Variants in LRFN5 observed in about 807,000 individuals in gnomAD.
LRFN5 encodes the protein leucine-rich repeat and fibronectin type-III domain-containing protein 5.
A neutral mutation model predicts 45.6 loss-of-function variants in LRFN5; 24 were observed. That is an observed-to-expected ratio of 0.53 (90% confidence interval 0.38 to 0.74). The LOEUF is 0.74. Ranked by LOEUF, LRFN5 falls within the 30% of genes least tolerant of loss-of-function variation. The pLI, the probability that LRFN5 is intolerant of heterozygous loss-of-function variation, is 0.00. For missense variants in LRFN5, 776 were observed against 861.5 expected (o/e 0.90, Z 1.24); for synonymous variants, 340 against 313.8 (o/e 1.08, Z -0.88).
At chr14:41,895,707 T>C (rs960172868) in intron 4 of LRFN5, among the ~76,000 whole-genome samples, 194 of 143,206 alleles carry the variant, frequency 1.4e-3, no homozygotes, top group Middle Eastern at 3.7e-3. Flanking sequence ...TTATTTCCCC[T>C]TTTTTTTTTT....
chr14:41,716,815 T>C (rs973070770), intron 1 of LRFN5, among the ~76,000 whole-genome samples: 6 of 152,234 alleles, frequency 3.9e-5, no homozygotes, highest in Non-Finnish European at 8.8e-5. Flanking sequence ...CTGGTGCTAA[T>C]ACACTGTTAA....
intron 2 of LRFN5, among the ~76,000 whole-genome samples, chr14:41,859,134 C>T (rs769665815): frequency 2.0e-5 from 3 of 152,134 alleles, no homozygotes; most frequent in Non-Finnish European, 2.9e-5. Context: ...TTCAAGCTAC[C>T]TTTGTCAGGT....
At chr14:41,822,936 G>A (rs2139017054) in intron 2 of LRFN5, among the ~76,000 whole-genome samples, 1 of 146,404 alleles carries the variant, frequency 6.8e-6, no homozygotes, top group Admixed American at 6.9e-5. Flanking sequence ...TTGATTTAAA[G>A]TCTGTTTTGT....
chr14:41,799,493 T>C (rs913398920), intron 2 of LRFN5, among the ~76,000 whole-genome samples: 1 of 152,008 alleles, frequency 6.6e-6, no homozygotes, highest in Non-Finnish European at 1.5e-5. Context: ...ACAACTTCTT[T>C]TTCTGGTGTT....
At chr14:41,809,084 T>C (rs2138987430) in intron 2 of LRFN5, among the ~76,000 whole-genome samples, 1 of 152,226 alleles carries the variant, frequency 6.6e-6, no homozygotes, top group African/African-American at 2.4e-5. Context: ...TCCTTTGTAG[T>C]ACAAAGTGCC....
intron 1 of LRFN5, among the ~76,000 whole-genome samples, chr14:41,624,342 A>T (rs1387530318): frequency 6.6e-6 from 1 of 152,164 alleles, no homozygotes; most frequent in Non-Finnish European, 1.5e-5. Context: ...ATTAAAATCA[A>T]CAATAGATTG....
intron 2 of LRFN5, among the ~76,000 whole-genome samples, chr14:41,859,087 G>A (rs1212352112): frequency 7.9e-5 from 12 of 152,092 alleles, no homozygotes; most frequent in Non-Finnish European, 1.5e-5. Context: ...TAGCATTTAT[G>A]AATTTCTATG....
chr14:41,812,566 A>C (rs1887772347), intron 2 of LRFN5, among the ~76,000 whole-genome samples: 1 of 151,850 alleles, frequency 6.6e-6, no homozygotes, highest in Non-Finnish European at 1.5e-5. Context: ...TTGCAGTTTT[A>C]TTTTTGTAAC....
intron 1 of LRFN5, among the ~76,000 whole-genome samples, chr14:41,653,211 T>C (rs1880214249): frequency 6.6e-6 from 1 of 152,196 alleles, no homozygotes; most frequent in Non-Finnish European, 1.5e-5. Flanking sequence ...CAATTGCTTT[T>C]GGCATCTTCA....
At chr14:41,752,354 T>C (rs913264801) in intron 1 of LRFN5, among the ~76,000 whole-genome samples, 1 of 152,220 alleles carries the variant, frequency 6.6e-6, no homozygotes, top group Non-Finnish European at 1.5e-5. Context: ...ACTTCCACAA[T>C]GGTTGAACTA....
chr14:41,784,719 C>T (rs902513210), intron 2 of LRFN5, among the ~76,000 whole-genome samples: 1 of 152,032 alleles, frequency 6.6e-6, no homozygotes, highest in African/African-American at 2.4e-5. Context: ...AGCTTCGCCT[C>T]CTGGGTTCAA....
chr14:41,781,600 GAAA>G (rs1453177751), intron 2 of LRFN5, among the ~76,000 whole-genome samples: 18 of 82,794 alleles, frequency 2.2e-4, no homozygotes, highest in East Asian at 7.8e-4. Flanking sequence ...AAGAAAGAAA[GAAA>G]GAAAGAAAGA....
At chr14:41,819,095 A>G (rs975971013) in intron 2 of LRFN5, among the ~76,000 whole-genome samples, 1 of 152,178 alleles carries the variant, frequency 6.6e-6, no homozygotes, top group African/African-American at 2.4e-5. Flanking sequence ...TCCATATAGT[A>G]TTCCATAGTA....
At chr14:41,715,830 G>C (rs1173379608) in intron 1 of LRFN5, among the ~76,000 whole-genome samples, 1 of 152,224 alleles carries the variant, frequency 6.6e-6, no homozygotes, top group Non-Finnish European at 1.5e-5. Flanking sequence ...TGGTACTCCA[G>C]TAGGGACTCT....
chr14:41,882,226 C>G lies in LRFN5; in HGVS notation c.-20-4380C>G, dbSNP rs570756416. On this transcript the variant is annotated intron_variant, in intron 2 of 5. Transcript: ENST00000298119. ...GAATTTATTGATCTCAAATCTCACC[C>G]CTAGCATTTTTTTTTCTTTTGGCTG... is the stretch of plus-strand genomic sequence containing the variant. Among the ~76,000 whole-genome samples, 236 of 148,526 alleles carry G rather than the reference C, an allele frequency of 1.6e-3. 1 individual carries two copies. The highest frequency in any genetic ancestry group is 4.9e-3 in the African/African-American group (197 of 39,998).
intron 1 of LRFN5, among the ~76,000 whole-genome samples, chr14:41,615,231 T>A (rs1887891643): frequency 6.6e-6 from 1 of 152,116 alleles, no homozygotes; most frequent in Admixed American, 6.6e-5. Context: ...CCAACTAAAA[T>A]ATATTATTTC....
intron 2 of LRFN5, among the ~76,000 whole-genome samples, chr14:41,778,659 C>T (rs926984722): frequency 6.6e-6 from 1 of 151,808 alleles, no homozygotes; most frequent in Non-Finnish European, 1.5e-5. Context: ...GGAGCTACCA[C>T]TCAGTTCAAG....
chr14:41,632,552 G>C lies in LRFN5; in HGVS notation c.-197+23990G>C, dbSNP rs143158057. Reference sequence around the variant, plus strand: ...CAGGAGGTGGAGGTTGCCGTGAGCCGAGATCGCACTATTGCACTCCAGCAT... The same window carrying C: ...CAGGAGGTGGAGGTTGCCGTGAGCCCAGATCGCACTATTGCACTCCAGCAT... On this transcript the variant is annotated intron_variant, in intron 1 of 5. Coordinates refer to ENST00000298119, the MANE Select transcript of LRFN5 (RefSeq NM_152447.5). 1.9e-3 allele frequency among the ~76,000 whole-genome samples: 296 copies of C among 152,156 alleles called. 3 individuals are homozygous for C. The highest frequency in any genetic ancestry group is 6.9e-3 in the African/African-American group (287 of 41,516).
chr14:41,633,512 A>T (rs1334125665), intron 1 of LRFN5, among the ~76,000 whole-genome samples: 1 of 152,152 alleles, frequency 6.6e-6, no homozygotes, highest in Non-Finnish European at 1.5e-5. Context: ...ATACTGGTTT[A>T]ACATGGGCCA....
Sources: allele counts gnomAD v4.1 joint callset (sites outside exome capture counted in the v4.1 genomes callset), GRCh38; gene constraint gnomAD v4.1.1; transcripts MANE v1.5; gene names NCBI Gene and HGNC (gene_info 2026-07-23, HGNC 2026-07-21).